The following DPP10 variants were observed in gnomAD, a reference collection of about 807,000 sequenced individuals.
The protein encoded by DPP10 is dipeptidyl peptidase like 10, also known as inactive dipeptidyl peptidase 10.
In DPP10, 33 loss-of-function variants were observed where a neutral mutation model predicts 120.9. The observed-to-expected ratio is 0.27, with a 90% CI of 0.21 to 0.37. The LOEUF (loss-of-function observed/expected upper bound fraction) is 0.37, where lower values mean the gene tolerates loss of function less well. Among genes scored for constraint, DPP10 ranks in the 10% least tolerant of loss-of-function variants. The pLI, the probability that DPP10 is intolerant of heterozygous loss-of-function variation, is 1.00. For synonymous variants in DPP10, 337 were observed against 326.1 expected (o/e 1.03, Z -0.36); for missense variants, 816 against 942.8 (o/e 0.87, Z 1.76).
rs1214400298 is a variant in DPP10 at position 115,469,901 on chromosome 2, A to AG, written c.272-29609_272-29608insG. On this transcript the variant is annotated intron_variant, in intron 3 of 25. Coordinates refer to ENST00000410059, the MANE Select transcript of DPP10 (RefSeq NM_020868.6). ...CAACAAGAGAAAAAAAAAAAAAAAG[A>AG]AAAAAAAAAACTAGTTTCTTTAAAA... Among the ~76,000 whole-genome samples, 274 of 74,658 alleles carry AG rather than the reference A, an allele frequency of 3.7e-3. 2 individuals are homozygous for AG. The highest frequency in any genetic ancestry group is 8.2e-3 in the African/African-American group (203 of 24,672). The allele number at this position is 74,658 out of a possible 152,430, so 49.0% of individuals were successfully genotyped here.
intron 1 of DPP10, among the ~76,000 whole-genome samples, chr2:114,795,719 G>A (rs1294682485): frequency 6.6e-6 from 1 of 151,980 alleles, no homozygotes; most frequent in Non-Finnish European, 1.5e-5. Context: ...GAACCACATA[G>A]CCTAGAAATA....
chr2:114,713,564 G>A (rs1701162550), intron 1 of DPP10, among the ~76,000 whole-genome samples: 1 of 152,152 alleles, frequency 6.6e-6, no homozygotes, highest in African/African-American at 2.4e-5. Context: ...ACTTTGAGCA[G>A]TATGTCACTC....
intron 1 of DPP10, among the ~76,000 whole-genome samples, chr2:114,678,647 T>G (rs1404798548): frequency 6.6e-6 from 1 of 152,088 alleles, no homozygotes; most frequent in African/African-American, 2.4e-5. Context: ...TTTTTAATCT[T>G]TTAAATTCCA....
At chr2:114,447,702 G>T (rs574834266) in intron 1 of DPP10, among the ~76,000 whole-genome samples, 1 of 152,194 alleles carries the variant, frequency 6.6e-6, no homozygotes, top group African/African-American at 2.4e-5. Context: ...AGTTACCACT[G>T]GTAACTCTAC....
chr2:114,975,360 C>T (rs1699687156), intron 1 of DPP10, among the ~76,000 whole-genome samples: 1 of 152,050 alleles, frequency 6.6e-6, no homozygotes, highest in Non-Finnish European at 1.5e-5. Context: ...TTTGCAATCA[C>T]ATTATTTTGC....
intron 11 of DPP10, among the ~76,000 whole-genome samples, chr2:115,755,122 C>G (rs1679232797): frequency 6.6e-6 from 1 of 152,004 alleles, no homozygotes; most frequent in Non-Finnish European, 1.5e-5. Flanking sequence ...TTCCCAGAGG[C>G]AACTACTATT....
chr2:114,664,799 T>C (rs551568669), intron 1 of DPP10, among the ~76,000 whole-genome samples: 2 of 150,490 alleles, frequency 1.3e-5, no homozygotes, highest in East Asian at 3.9e-4. Context: ...GCAGAGAGCA[T>C]CCAAAAGGTG....
At chr2:115,048,073 A>G (rs1240151187) in intron 1 of DPP10, among the ~76,000 whole-genome samples, 1 of 152,136 alleles carries the variant, frequency 6.6e-6, no homozygotes, top group Non-Finnish European at 1.5e-5. Context: ...TTGTAAAGTC[A>G]TGGAGGACTG....
intron 1 of DPP10, among the ~76,000 whole-genome samples, chr2:115,245,469 C>A (rs898773074): frequency 4.6e-5 from 7 of 151,688 alleles, no homozygotes; most frequent in Non-Finnish European, 5.9e-5. Flanking sequence ...TTAAAAAAAT[C>A]AAAAAATAAT....
At chr2:115,450,682 C>T (rs2073038319) in intron 3 of DPP10, among the ~76,000 whole-genome samples, 1 of 151,848 alleles carries the variant, frequency 6.6e-6, no homozygotes, top group Admixed American at 6.6e-5. Flanking sequence ...TCTTCAGAGC[C>T]ATGAGTATTT....
chr2:115,786,125 A>G (rs78654505), intron 17 of DPP10, among the ~76,000 whole-genome samples: 2,876 of 152,302 alleles, frequency 0.019, 84 homozygotes, highest in African/African-American at 0.064. Flanking sequence ...GCGTAGTCCA[A>G]TGGGAGAAAC....
At chr2:115,202,177 C>A (rs977934909) in intron 1 of DPP10, among the ~76,000 whole-genome samples, 3 of 152,092 alleles carry the variant, frequency 2.0e-5, no homozygotes, top group African/African-American at 7.2e-5. Flanking sequence ...GATCCTCCTG[C>A]CTCAGCCTCC....
At chr2:115,315,541 GT>G (rs2061754654) in intron 2 of DPP10, among the ~76,000 whole-genome samples, 1 of 152,110 alleles carries the variant, frequency 6.6e-6, no homozygotes, top group African/African-American at 2.4e-5. Flanking sequence ...CCTGACCTGT[GT>G]TTTAAAATGT....
chr2:115,690,123 A>G (rs944016416), intron 7 of DPP10, among the ~76,000 whole-genome samples: 2 of 152,234 alleles, frequency 1.3e-5, no homozygotes, highest in East Asian at 1.9e-4. Context: ...AATAAAGACA[A>G]AAGTTTATTA....
At chr2:114,583,283 A>G (rs1348328425) in intron 1 of DPP10, among the ~76,000 whole-genome samples, 1 of 151,010 alleles carries the variant, frequency 6.6e-6, no homozygotes, top group Admixed American at 6.6e-5. Flanking sequence ...TAACAGACTG[A>G]CAGAAATTGG....
intron 1 of DPP10, among the ~76,000 whole-genome samples, chr2:114,548,718 G>A (rs868732978): frequency 9.9e-5 from 15 of 152,138 alleles, no homozygotes; most frequent in African/African-American, 2.9e-4. Context: ...TTTTAGCGCC[G>A]GGACCTGTGG....
intron 1 of DPP10, among the ~76,000 whole-genome samples, chr2:115,111,179 C>T (rs1315658785): frequency 2.0e-5 from 3 of 151,694 alleles, no homozygotes; most frequent in African/African-American, 2.4e-5. Context: ...CACACATCTT[C>T]GGTGACCACT....
intron 8 of DPP10, among the ~76,000 whole-genome samples, chr2:115,735,034 G>A (rs1193017086): frequency 6.6e-6 from 1 of 152,120 alleles, no homozygotes; most frequent in Non-Finnish European, 1.5e-5. Flanking sequence ...TAGAAGCAGT[G>A]GCTTTTGGTT....
chr2:114,603,014 T>A (rs1372016705), intron 1 of DPP10, among the ~76,000 whole-genome samples: 1 of 151,966 alleles, frequency 6.6e-6, no homozygotes, highest in Non-Finnish European at 1.5e-5. Context: ...GCGGAAAAAA[T>A]GTCAGAAGAC....
Sources: allele counts gnomAD v4.1 joint callset (sites outside exome capture counted in the v4.1 genomes callset), GRCh38; gene constraint gnomAD v4.1.1; transcripts MANE v1.5; gene names NCBI Gene and HGNC (gene_info 2026-07-23, HGNC 2026-07-21).